The following TSPAN4 variants were observed in gnomAD, a reference collection of about 807,000 sequenced individuals.
TSPAN4 encodes tetraspanin 4, also known as tetraspanin-4.
TSPAN4 carries 38 observed loss-of-function variants against 31.5 expected under a neutral mutation model. The observed-to-expected ratio is 1.21, with a 90% CI of 0.93 to 1.58. The LOEUF is 1.58. Ranked by LOEUF, TSPAN4 falls within the 40% of genes most tolerant of loss-of-function variation. The pLI, the probability that TSPAN4 is intolerant of heterozygous loss-of-function variation, is 0.00. For missense variants in TSPAN4, 330 were observed against 317.3 expected, an observed-to-expected ratio of 1.04 and a Z score of -0.30; for synonymous variants, 186 against 144.6, an observed-to-expected ratio of 1.29 and a Z score of -2.06.
intron 1 of TSPAN4, among the ~76,000 whole-genome samples, chr11:845,282 C>T (rs1017905045): frequency 1.3e-5 from 2 of 152,188 alleles, no homozygotes; most frequent in Non-Finnish European, 2.9e-5. Flanking sequence ...GACACCTCAG[C>T]GGTGCACACA....
intron 3 of TSPAN4, among the ~76,000 whole-genome samples, chr11:860,495 C>T (rs1375752293): frequency 1.3e-5 from 2 of 152,202 alleles, no homozygotes; most frequent in East Asian, 3.9e-4. Context: ...CATCTCCCAC[C>T]CCCAGGCCCC....
chr11:851,696 G>A (rs1847743760), intron 3 of TSPAN4, among the ~76,000 whole-genome samples: 1 of 151,746 alleles, frequency 6.6e-6, no homozygotes, highest in Non-Finnish European at 1.5e-5. Flanking sequence ...GTGGTGGGAG[G>A]TGTGGGTGTG....
chr11:861,159 CT>C (rs1293728755), intron 3 of TSPAN4, among the ~76,000 whole-genome samples: 1 of 152,220 alleles, frequency 6.6e-6, no homozygotes, highest in African/African-American at 2.4e-5. Flanking sequence ...TCGTCTCCCC[CT>C]GCCTCTTCCT....
intron 1 of TSPAN4, among the ~76,000 whole-genome samples, chr11:846,894 C>A (rs540898081): frequency 6.6e-6 from 1 of 152,304 alleles, no homozygotes; most frequent in Non-Finnish European, 1.5e-5. Context: ...CGTCTTTGAA[C>A]ATGTGTTCTC....
rs1249066827 is a variant in TSPAN4 at position 852,048 on chromosome 11, C to T, written c.63+1681C>T. 2.6e-5 allele frequency among the ~76,000 whole-genome samples: 4 copies of T among 152,138 alleles called. No homozygotes were observed. The East Asian group carries it at 7.7e-4, about 29-fold the overall frequency. On this transcript the variant is annotated intron_variant, in intron 3 of 8. Transcript: ENST00000397397. Reference sequence around the variant, plus strand: ...ATTCCTACCGCATGGCAGACACACTCCCCCATCCTCAACCTGGGAAAGAAC... The same window carrying T: ...ATTCCTACCGCATGGCAGACACACTTCCCCATCCTCAACCTGGGAAAGAAC...
chr11:845,209 T>C (rs1847243269), intron 1 of TSPAN4, among the ~76,000 whole-genome samples: 1 of 152,198 alleles, frequency 6.6e-6, no homozygotes, highest in Non-Finnish European at 1.5e-5. Flanking sequence ...GACAGATGTG[T>C]GCTCACCCCC....
At chr11:864,274 T>C in intron 4 of TSPAN4, 163 bp from the exon 5 acceptor site, 2 of 773,390 alleles carry the variant, frequency 2.6e-6, no homozygotes, top group East Asian at 5.3e-5. Context: ...CCAAGGGTTC[T>C]GAGGTGGGGG....
At chr11:860,670 T>A (rs1848405461) in intron 3 of TSPAN4, among the ~76,000 whole-genome samples, 1 of 151,944 alleles carries the variant, frequency 6.6e-6, no homozygotes, top group African/African-American at 2.4e-5. Flanking sequence ...GGGGTGTGAG[T>A]CTGGCCACTG....
At chr11:862,369 A>C in intron 3 of TSPAN4, 181 bp from the exon 4 acceptor site, 1 of 574,552 alleles carries the variant, frequency 1.7e-6, no homozygotes, top group Non-Finnish European at 3.0e-6. Flanking sequence ...GGTGTCGGGA[A>C]AGACTGGCCT....
intron 3 of TSPAN4, 130 bp downstream of exon 3, chr11:850,497 G>T: frequency 1.3e-6 from 1 of 764,770 alleles, no homozygotes; most frequent in Admixed American, 2.5e-5. Context: ...ATGGTCCCGG[G>T]AGGACCCAAG....
chr11:847,109 T>G (rs1279193919), intron 1 of TSPAN4, 92 bp from the exon 2 acceptor site: 1 of 152,134 alleles, frequency 6.6e-6, no homozygotes, highest in East Asian at 1.9e-4. Flanking sequence ...TGGCCCCAGG[T>G]GGGGGTTCCC....
At position 866,526 on chromosome 11, in the gene TSPAN4, G is replaced by A. The variant is rs1589802788; in HGVS notation, c.649-36G>A. ...TCTGGGCTTGAGGCCTGAGCCTGTG[G>A]AGCTGCCATGCCCAGTCCTCCTCCC... On this transcript the variant is annotated intron_variant, in intron 8 of 8. Coordinates refer to ENST00000397397, the MANE Select transcript of TSPAN4 (RefSeq NM_003271.5). The A allele has an allele frequency of 4.4e-6, 7 of 1,600,520 alleles. 1 individual carries two copies. In the Admixed American group the frequency reaches 1.2e-4, roughly 27 times the overall value.
rs150557027 is a variant in TSPAN4, at chr11:865,783, T to A, written c.522T>A (p.Ser174Arg). The change falls in exon 7 of 9, where the codon AGT becomes AGA. Residue 174 changes from serine to arginine, a missense_variant. Coordinates refer to ENST00000397397, the MANE Select transcript of TSPAN4 (RefSeq NM_003271.5). ...RVPDSCCLEF[S>R]ESCGLHAPGT... ...CTGACTCCTGCTGCTTGGAGTTCAGTGAGAGCTGTGGGCTGCACGCCCCCG... is the reference window on the plus strand; with the variant it reads ...CTGACTCCTGCTGCTTGGAGTTCAGAGAGAGCTGTGGGCTGCACGCCCCCG... The A allele has an allele frequency of 1.2e-6, 2 of 1,612,568 alleles. No individual in the cohort carries two copies. Among genetic ancestry groups the A allele is most frequent in the Non-Finnish European group, 1.7e-6 (2 of 1,179,732 alleles).
At chr11:853,791 A>T (rs1410587925) in intron 3 of TSPAN4, among the ~76,000 whole-genome samples, 1 of 152,194 alleles carries the variant, frequency 6.6e-6, no homozygotes, top group Non-Finnish European at 1.5e-5. Flanking sequence ...GGGCACAGCC[A>T]CTGAGCCTTC....
intron 3 of TSPAN4, chr11:862,235 C>T (rs1038932440): frequency 1.6e-5 from 6 of 381,090 alleles, no homozygotes; most frequent in South Asian, 5.5e-5. Context: ...CCTAAGATCC[C>T]GTCCCTTTGG....
At chr11:863,736 C>G (rs1429442646) in intron 4 of TSPAN4, 1 of 153,530 alleles carries the variant, frequency 6.5e-6, no homozygotes, top group Admixed American at 6.4e-5. Context: ...CCTGTCTGCC[C>G]CACTCACGCC....
chr11:863,069 A>C, intron 4 of TSPAN4: 1 of 214,146 alleles, frequency 4.7e-6, no homozygotes, highest in Non-Finnish European at 9.2e-6. Flanking sequence ...GCAGCCTTTC[A>C]CGGGCTTGCG....
In TSPAN4 at chr11:866,013, G is replaced by C; in HGVS notation, c.648+12G>C. On this transcript the variant is annotated intron_variant, in intron 8 of 8. Transcript: ENST00000397397. ...CGGCGCTGGTGCAGGTATGGCCTGG[G>C]GGCCTGCGGGCTCCCTGCCCCCACT... 1.2e-6 allele frequency: 2 copies of C among 1,610,988 alleles called. No individual in the cohort carries two copies. The highest frequency in any genetic ancestry group is 2.1e-4 in the Middle Eastern group (1 of 4,840).
At chr11:866,124 C>T in intron 8 of TSPAN4, 123 bp downstream of exon 8, 1 of 1,059,426 alleles carries the variant, frequency 9.4e-7, no homozygotes, top group South Asian at 1.4e-5. Flanking sequence ...GGGGCAAAAG[C>T]AGGAGGGCGA....
Sources: gnomAD v4.1 joint callset for allele counts (sites outside exome capture counted in the v4.1 genomes callset) on GRCh38, gnomAD v4.1.1 for gene constraint, MANE v1.5 for transcripts, NCBI Gene and HGNC (gene_info 2026-07-23, HGNC 2026-07-21) for gene names.